The following COBLL1 variants were observed in gnomAD, a reference collection of about 807,000 sequenced individuals.
The protein encoded by COBLL1 is cordon-bleu protein-like 1.
COBLL1 carries 50 observed loss-of-function variants against 94.8 expected under a neutral mutation model. The observed-to-expected ratio is 0.53, with a 90% confidence interval of 0.42 to 0.67. The LOEUF is 0.67. COBLL1 is among the 30% of genes least tolerant of loss of function. The pLI, the probability that COBLL1 is intolerant of heterozygous loss-of-function variation, is 0.00. For missense variants in COBLL1, 1,362 were observed against 1,348.7 expected, an observed-to-expected ratio of 1.01 and a Z score of -0.15; for synonymous variants, 448 against 473.8, an observed-to-expected ratio of 0.95 and a Z score of 0.71.
chr2:164,678,282 C>T (rs1004497608), downstream of COBLL1, among the ~76,000 whole-genome samples: 1 of 151,814 alleles, frequency 6.6e-6, no homozygotes, highest in Admixed American at 6.6e-5. Flanking sequence ...AAATAAAAGC[C>T]CCAAAATAGA....
intron 2 of COBLL1, among the ~76,000 whole-genome samples, chr2:164,748,735 G>A (rs562314377): frequency 3.9e-5 from 6 of 152,178 alleles, no homozygotes; most frequent in African/African-American, 1.4e-4. Flanking sequence ...ATAAGGGTAG[G>A]TGGAGAGGAG....
chr2:164,765,201 G>A (rs1446279054), intron 2 of COBLL1, among the ~76,000 whole-genome samples: 5 of 152,062 alleles, frequency 3.3e-5, no homozygotes, highest in Non-Finnish European at 5.9e-5. Context: ...TTCATGACAC[G>A]TTGCAATGGA....
chr2:164,722,078 A>G lies in COBLL1; in HGVS notation c.993T>C (p.Asp331=), dbSNP rs1416611050. 1.3e-6 allele frequency: 2 copies of G among 1,587,400 alleles called. No homozygotes were observed. Among genetic ancestry groups the G allele is most frequent in the Non-Finnish European group, 1.7e-6 (2 of 1,166,810 alleles). Residue 331 remains aspartate (D), a synonymous_variant, in exon 7 of 14, where the codon GAT becomes GAC. Coordinates refer to ENST00000652658, the MANE Select transcript of COBLL1 (RefSeq NM_001365672.2). ...IVKSMSVDET[D]KSPCEAGRVR... Reference sequence around the variant, plus strand: ...AATAGAAAACAAAACTACACACCTTATCTGTCTCATCCACGCTCATGGATT... The same window carrying G: ...AATAGAAAACAAAACTACACACCTTGTCTGTCTCATCCACGCTCATGGATT...
In COBLL1 at chr2:164,682,862, G is replaced by A. The variant is rs907781542; in HGVS notation, c.*3084C>T. 6.6e-6 allele frequency: 1 copy of A among 152,038 alleles called. No homozygotes were observed. Among genetic ancestry groups the A allele is most frequent in the African/African-American group, 2.4e-5 (1 of 41,394 alleles). The allele number at this position is 152,038 out of a possible 1,614,324, so 9.4% of individuals were successfully genotyped here. A position where few individuals can be genotyped will look rare whatever the true frequency, so the allele number is the denominator to read the frequency against. ...ACTCCAGCCAACATTATGTACCGCA[G>A]CAAGAAACAATAGAATGGCTAACAG... On this transcript the variant is annotated 3_prime_UTR_variant, in exon 14 of 14. Transcript: ENST00000652658.
chr2:164,836,482 G>A (rs755117623), intron 2 of COBLL1, among the ~76,000 whole-genome samples: 1 of 152,092 alleles, frequency 6.6e-6, no homozygotes, highest in Non-Finnish European at 1.5e-5. Context: ...AGCAAACATA[G>A]CACTATGAAA....
At position 164,755,344 on chromosome 2, in the gene COBLL1, A is replaced by C. The variant is rs570080271; in HGVS notation, c.42-11469T>G. On this transcript the variant is annotated intron_variant, in intron 2 of 13. Transcript: ENST00000652658. ...AGTACATCACCTTATCCACCAGAAA[A>C]ATTTTTTGAGTCAAAAACCATTAAC... Among the ~76,000 whole-genome samples the C allele has an allele frequency of 1.3e-5, 2 of 152,246 alleles. 1 individual carries two copies. The highest frequency in any genetic ancestry group is 4.1e-4 in the South Asian group (2 of 4,828).
At position 164,695,120 on chromosome 2, in the gene COBLL1, C is replaced by A. The variant is rs755718956; in HGVS notation, c.2272G>T (p.Asp758Tyr). The change falls in exon 12 of 14, where the codon GAT (aspartate) becomes TAT (tyrosine). Residue 758 changes from aspartate to tyrosine, a missense_variant. Physicochemically the swap from Asp to Tyr is radical, Grantham distance 160. Coordinates refer to ENST00000652658, the MANE Select transcript of COBLL1 (RefSeq NM_001365672.2). ...TTCCCTAAAGCATGCATGTCCTGAT[C>A]ATCTTTATACTCTATGGTTTCTGAT... is the stretch of plus-strand genomic sequence containing the variant. ...WQSETIEYKD[D>Y]QDMHALGKKH... 1.9e-6 allele frequency: 3 copies of A among 1,613,844 alleles called. No homozygotes were observed. The East Asian group carries it at 6.7e-5, about 36-fold the overall frequency.
intron 6 of COBLL1, 55 bp downstream of exon 6, chr2:164,722,370 A>G: frequency 6.6e-7 from 1 of 1,513,352 alleles, no homozygotes; most frequent in East Asian, 2.3e-5. Context: ...AAAAAGCATT[A>G]GTAATTAAAA....
chr2:164,841,321 C>T lies in COBLL1; in HGVS notation c.-50-75G>A. The T allele has an allele frequency of 8.3e-7, 1 of 1,209,228 alleles. No individual in the cohort carries two copies. 74.9% of individuals were successfully genotyped at this position (1,209,228 alleles called of 1,614,324 possible). A position where few individuals can be genotyped will look rare whatever the true frequency, so the allele number is the denominator to read the frequency against. On this transcript the variant is annotated intron_variant, in intron 1 of 13. Coordinates refer to ENST00000652658, the MANE Select transcript of COBLL1 (RefSeq NM_001365672.2). The surrounding 1 kb of genome is among the most constrained non-coding windows in gnomAD (Gnocchi z 5.5). Reference sequence around the variant, plus strand: ...GGCCGGAGCGAAGCTGGCTGAGCGTCAAGAGCCCGCCCGAGCCGCTCCAGC... The same window carrying T: ...GGCCGGAGCGAAGCTGGCTGAGCGTTAAGAGCCCGCCCGAGCCGCTCCAGC...
At chr2:164,833,814 CTAAAG>C (rs1683198945) in intron 2 of COBLL1, among the ~76,000 whole-genome samples, 1 of 152,070 alleles carries the variant, frequency 6.6e-6, no homozygotes, top group Non-Finnish European at 1.5e-5. Flanking sequence ...TTTCTTACAT[CTAAAG>C]TAAACAGTTT....
chr2:164,804,795 C>T (rs1488968682), intron 2 of COBLL1, among the ~76,000 whole-genome samples: 4 of 152,148 alleles, frequency 2.6e-5, no homozygotes, highest in Admixed American at 2.6e-4. Context: ...GCTAACTACA[C>T]AAGGCCAACA....
intron 2 of COBLL1, among the ~76,000 whole-genome samples, chr2:164,820,753 C>T (rs906583584): frequency 3.9e-5 from 6 of 152,122 alleles, no homozygotes; most frequent in Non-Finnish European, 8.8e-5. Flanking sequence ...CTTTGAGGTT[C>T]GCACCAATTT....
intron 3 of COBLL1, among the ~76,000 whole-genome samples, chr2:164,733,541 T>C (rs1376786426): frequency 2.0e-5 from 3 of 152,214 alleles, no homozygotes; most frequent in Non-Finnish European, 4.4e-5. Context: ...GCCAAATTTG[T>C]CTTGAAAATA....
At chr2:164,726,261 A>G (rs1448121413) in intron 5 of COBLL1, among the ~76,000 whole-genome samples, 1 of 152,142 alleles carries the variant, frequency 6.6e-6, no homozygotes, top group Admixed American at 6.6e-5. Context: ...AACCACAGAG[A>G]CCACTATTTC....
chr2:164,812,596 G>A (rs547066063), intron 2 of COBLL1, among the ~76,000 whole-genome samples: 1 of 152,048 alleles, frequency 6.6e-6, no homozygotes, highest in African/African-American at 2.4e-5. Context: ...CAAACCTCCT[G>A]TAACTCTGGC....
chr2:164,666,171 A>AG (rs1461336921), intron 1 of COBLL1, among the ~76,000 whole-genome samples: 1 of 152,190 alleles, frequency 6.6e-6, no homozygotes, highest in African/African-American at 2.4e-5. Context: ...CATGAAGTAT[A>AG]GTTATACCTC....
intron 2 of COBLL1, among the ~76,000 whole-genome samples, chr2:164,745,769 T>A (rs1187173782): frequency 6.6e-6 from 1 of 152,122 alleles, no homozygotes; most frequent in Non-Finnish European, 1.5e-5. Flanking sequence ...AAGAAATAAC[T>A]GATATTTTTG....
intron 2 of COBLL1, among the ~76,000 whole-genome samples, chr2:164,803,330 C>A (rs924871940): frequency 2.0e-5 from 3 of 151,980 alleles, no homozygotes; most frequent in Non-Finnish European, 2.9e-5. Flanking sequence ...CTTTGGGAGG[C>A]CGAGGCGGGC....
chr2:164,794,753 A>AC (rs3835929), intron 2 of COBLL1, among the ~76,000 whole-genome samples: 53,821 of 151,510 alleles, frequency 0.36, 9,703 homozygotes, highest in Admixed American at 0.41. Flanking sequence ...GGCAATTTCA[A>AC]CCCCCTCATG....
Sources: allele counts gnomAD v4.1 joint callset (sites outside exome capture counted in the v4.1 genomes callset), GRCh38; gene constraint gnomAD v4.1.1; non-coding constraint Gnocchi (gnomAD v3.1); transcripts MANE v1.5; gene names NCBI Gene and HGNC (gene_info 2026-07-23, HGNC 2026-07-21).